The following SH3TC1 variants were observed in gnomAD, a reference collection of about 807,000 sequenced individuals.
The protein encoded by SH3TC1 is SH3 domain and tetratricopeptide repeat-containing protein 1.
In SH3TC1, 135 loss-of-function variants were observed where a neutral mutation model predicts 117.3. That is an observed-to-expected ratio of 1.15 (90% CI 1.00 to 1.33). SH3TC1 has a LOEUF of 1.33. Among genes scored for constraint, SH3TC1 ranks in the 40% most tolerant of loss-of-function variants. The probability of loss-of-function intolerance (pLI) is 0.00; values close to 1 mark genes in which losing one functional copy is unlikely to be tolerated. For synonymous variants in SH3TC1, 898 were observed against 816.9 expected (o/e 1.10, Z -1.69); for missense variants, 2,092 against 1,794.3 (o/e 1.17, Z -3.00).
intron 4 of SH3TC1, among the ~76,000 whole-genome samples, chr4:8,213,456 C>A (rs1182224857): frequency 6.6e-6 from 1 of 152,212 alleles, no homozygotes; most frequent in African/African-American, 2.4e-5. Context: ...TAACTCACAC[C>A]AAGCACCTGC....
chr4:8,201,351 C>G (rs1029034158), intron 1 of SH3TC1: 1 of 152,328 alleles, frequency 6.6e-6, no homozygotes, highest in Non-Finnish European at 1.5e-5. Flanking sequence ...TCCCAGACAC[C>G]GGGGTTTGGC....
intron 9 of SH3TC1, among the ~76,000 whole-genome samples, chr4:8,222,499 G>A (rs544977475): frequency 2.7e-5 from 4 of 145,982 alleles, no homozygotes; most frequent in South Asian, 4.5e-4. Flanking sequence ...TCAGCCTCCC[G>A]AACAGCTGGA....
chr4:8,199,689 G>A (rs889571608), intron 1 of SH3TC1, among the ~76,000 whole-genome samples: 6 of 152,158 alleles, frequency 3.9e-5, no homozygotes, highest in Admixed American at 6.5e-5. Context: ...GCCTGACCCC[G>A]TGCTGGCCCT....
At chr4:8,232,784 C>G in intron 13 of SH3TC1, 1 of 1,288,826 alleles carries the variant, frequency 7.8e-7, no homozygotes, top group Middle Eastern at 2.1e-4. Flanking sequence ...CACAGGGACC[C>G]GGGAGATCGG....
chr4:8,197,098 T>G (rs1003172864), upstream of SH3TC1, among the ~76,000 whole-genome samples: 3 of 152,058 alleles, frequency 2.0e-5, no homozygotes, highest in African/African-American at 7.2e-5. Flanking sequence ...GGACCCCAAA[T>G]CCAGTGACAG....
In SH3TC1 at chr4:8,235,558, G is replaced by C; in HGVS notation, c.3405+3G>C. The C allele has an allele frequency of 6.3e-7, 1 of 1,591,978 alleles. No homozygotes were observed. Among genetic ancestry groups the C allele is most frequent in the Non-Finnish European group, 8.6e-7 (1 of 1,167,754 alleles). On this transcript the variant is annotated splice_donor_region_variant and intron_variant, in intron 15 of 17. Coordinates refer to ENST00000245105, the MANE Select transcript of SH3TC1 (RefSeq NM_018986.5). ...AGAAAGCTGTGTCCTTCTACCGGGTGAGCTGGCCTGTGGGCTGATGTGGGT... is the reference window on the plus strand; with the variant it reads ...AGAAAGCTGTGTCCTTCTACCGGGTCAGCTGGCCTGTGGGCTGATGTGGGT...
rs1718161880 is a variant in SH3TC1, at chr4:8,205,858, G to A, written c.172+492G>A. On this transcript the variant is annotated intron_variant, in intron 2 of 17. Coordinates refer to ENST00000245105, the MANE Select transcript of SH3TC1 (RefSeq NM_018986.5). This position sits in a 1 kb window ranked among gnomAD's most constrained non-coding sequence, Gnocchi z 5.4. ...GGGAGACCTGAAGAGTGACCTAGGT[G>A]ATCTCCAGGATCCCCTCTTACCCCC... 1.7e-6 allele frequency: 1 copy of A among 583,202 alleles called. No homozygotes were observed. Among genetic ancestry groups the A allele is most frequent in the Non-Finnish European group, 3.1e-6 (1 of 327,002 alleles). The allele number at this position is 583,202 out of a possible 1,614,324, so 36.1% of individuals were successfully genotyped here. A position where few individuals can be genotyped will look rare whatever the true frequency, so the allele number is the denominator to read the frequency against.
At chr4:8,198,978 G>C (rs1436376858), upstream of SH3TC1, among the ~76,000 whole-genome samples, 1 of 152,264 alleles carries the variant, frequency 6.6e-6, no homozygotes, top group Non-Finnish European at 1.5e-5. Flanking sequence ...AAGAGGAACA[G>C]AGATCAGAGC....
chr4:8,185,657 C>T (rs974259203), intron 1 of SH3TC1, among the ~76,000 whole-genome samples: 1 of 152,234 alleles, frequency 6.6e-6, no homozygotes, highest in Non-Finnish European at 1.5e-5. Flanking sequence ...TCAGAGAAAG[C>T]CTTGCTTCTG....
Position 8,205,081 on chromosome 4 carries a change from C to G in SH3TC1, c.-28-86C>G, listed in dbSNP as rs1259211516. On this transcript the variant is annotated intron_variant, in intron 1 of 17. Coordinates refer to ENST00000245105, the MANE Select transcript of SH3TC1 (RefSeq NM_018986.5). The surrounding 1 kb of genome is among the most constrained non-coding windows in gnomAD (Gnocchi z 5.4). The stretch of plus-strand genomic sequence containing the variant: ...GCAGGCGCTCAGCAACGCTGGTGTT[C>G]TCTTTCTGGACCCCAGGCCTGGACA... 1.6e-5 allele frequency: 18 copies of G among 1,147,444 alleles called. No individual in the cohort carries two copies. The highest frequency in any genetic ancestry group is 2.0e-5 in the Non-Finnish European group (17 of 839,702). 71.1% of individuals were successfully genotyped at this position (1,147,444 alleles called of 1,614,324 possible). A position where few individuals can be genotyped will look rare whatever the true frequency, so the allele number is the denominator to read the frequency against.
chr4:8,185,988 G>A (rs371314501), intron 1 of SH3TC1, among the ~76,000 whole-genome samples: 6 of 152,166 alleles, frequency 3.9e-5, no homozygotes, highest in Non-Finnish European at 8.8e-5. Context: ...GTCCCCTTGG[G>A]GTCTTTTTGC....
At chr4:8,188,970 G>C (rs1023286840) in intron 1 of SH3TC1, among the ~76,000 whole-genome samples, 1 of 152,246 alleles carries the variant, frequency 6.6e-6, no homozygotes, top group South Asian at 2.1e-4. Context: ...CACATGAGGC[G>C]GGAGAGCTCA....
At chr4:8,204,512 A>T (rs1026757551) in intron 1 of SH3TC1, among the ~76,000 whole-genome samples, 1 of 152,130 alleles carries the variant, frequency 6.6e-6, no homozygotes, top group East Asian at 1.9e-4. Flanking sequence ...CCCCACCCAC[A>T]ATCAGTGAAC....
At chr4:8,220,328 C>T (rs928493564) in intron 9 of SH3TC1, among the ~76,000 whole-genome samples, 5 of 152,100 alleles carry the variant, frequency 3.3e-5, no homozygotes, top group Non-Finnish European at 7.3e-5. Context: ...GCCTGGGATG[C>T]CCCCTCTCCC....
rs1561684197 is a variant in SH3TC1, at chr4:8,209,908, T to A, written c.247+86T>A. 1.5e-5 allele frequency: 21 copies of A among 1,365,724 alleles called. No individual in the cohort carries two copies. The highest frequency in any genetic ancestry group is 2.0e-6 in the Non-Finnish European group (2 of 989,730). The allele number at this position is 1,365,724 out of a possible 1,614,324, so 84.6% of individuals were successfully genotyped here. On this transcript the variant is annotated intron_variant, in intron 3 of 17. Transcript: ENST00000245105. The surrounding 1 kb of genome is among the most constrained non-coding windows in gnomAD (Gnocchi z 5.9). ...GGCATCCAAGAGTCCAACCCAGGGCTTCTCAAAGTGTGGCCTCAGACTTCC... is the reference window on the plus strand; with the variant it reads ...GGCATCCAAGAGTCCAACCCAGGGCATCTCAAAGTGTGGCCTCAGACTTCC...
rs538409960 is a variant in SH3TC1, at chr4:8,212,911, G to C, written c.375+83G>C. 1,314 of 1,453,438 alleles carry C rather than the reference G, an allele frequency of 9.0e-4. 3 individuals carry two copies. Among genetic ancestry groups the C allele is most frequent in the South Asian group, 1.9e-3 (134 of 70,086 alleles). 90.0% of individuals were successfully genotyped at this position (1,453,438 alleles called of 1,614,324 possible). On this transcript the variant is annotated intron_variant, in intron 4 of 17. Coordinates refer to ENST00000245105, the MANE Select transcript of SH3TC1 (RefSeq NM_018986.5). ...GGCTGAGGTGCAGTGTCTGAGACTGGGGACACAGGAGGCAGGCCTCAGAGA... is the reference window on the plus strand; with the variant it reads ...GGCTGAGGTGCAGTGTCTGAGACTGCGGACACAGGAGGCAGGCCTCAGAGA...
intron 11 of SH3TC1, 92 bp from the exon 12 acceptor site, chr4:8,226,888 C>A: frequency 2.2e-6 from 2 of 928,434 alleles, no homozygotes; most frequent in Non-Finnish European, 3.1e-6. Context: ...GCGCCGGGGA[C>A]ACAGAGGCTG....
Position 8,206,683 on chromosome 4 carries a change from T to G in SH3TC1, c.172+1317T>G, listed in dbSNP as rs1283772256. On this transcript the variant is annotated intron_variant, in intron 2 of 17. Coordinates refer to ENST00000245105, the MANE Select transcript of SH3TC1 (RefSeq NM_018986.5). The surrounding 1 kb of genome is among the most constrained non-coding windows in gnomAD (Gnocchi z 5.5). Reference sequence around the variant, plus strand: ...AGGGAAAGCTGGCTTGGGGTGGGGCTCCTCATCAGCTCCTTCACCTCCTCG... The same window carrying G: ...AGGGAAAGCTGGCTTGGGGTGGGGCGCCTCATCAGCTCCTTCACCTCCTCG... 6.6e-6 allele frequency among the ~76,000 whole-genome samples: 1 copy of G among 152,206 alleles called. No individual in the cohort carries two copies. Among genetic ancestry groups the G allele is most frequent in the Non-Finnish European group, 1.5e-5 (1 of 68,036 alleles).
rs748316119 is a variant in SH3TC1 at position 8,227,937 on chromosome 4, T to A, written c.2243T>A (p.Val748Glu). The A allele has an allele frequency of 6.2e-7, 1 of 1,612,548 alleles. No homozygotes were observed. The highest frequency in any genetic ancestry group is 8.5e-7 in the Non-Finnish European group (1 of 1,179,936). Residue 748 changes from valine to glutamate, a missense_variant, in exon 12 of 18, where the codon GTG becomes GAG. Coordinates refer to ENST00000245105, the MANE Select transcript of SH3TC1 (RefSeq NM_018986.5). ...TCGCTGGCCGGCTCGCTGAGGAGTG[T>A]GAACCTGGTGCTCCAGAACGCCCCC... is the stretch of plus-strand genomic sequence containing the variant. ...RGSLAGSLRS[V>E]NLVLQNAPQP...
Sources: gnomAD v4.1 joint callset for allele counts (sites outside exome capture counted in the v4.1 genomes callset) on GRCh38, gnomAD v4.1.1 for gene constraint, Gnocchi (gnomAD v3.1) non-coding constraint, MANE v1.5 for transcripts, NCBI Gene and HGNC (gene_info 2026-07-23, HGNC 2026-07-21) for gene names.